POLE2: variants seen among roughly 807,000 people sequenced by gnomAD.
The protein encoded by POLE2 is DNA polymerase epsilon subunit 2.
A neutral mutation model predicts 79.4 loss-of-function variants in POLE2; 56 were observed. That is an observed-to-expected ratio of 0.71 (90% CI 0.57 to 0.88). POLE2 has a LOEUF of 0.88. Ranked by LOEUF, POLE2 falls within the 40% of genes least tolerant of loss-of-function variation. The probability of loss-of-function intolerance (pLI) is 0.00; values close to 1 mark genes in which losing one functional copy is unlikely to be tolerated. For missense variants in POLE2, 598 were observed against 638.9 expected (o/e 0.94, Z 0.69); for synonymous variants, 212 against 214.0 (o/e 0.99, Z 0.08).
intron 8 of POLE2, 121 bp downstream of exon 8, chr14:49,664,986 C>T (rs776682935): frequency 2.1e-5 from 14 of 669,018 alleles, no homozygotes; most frequent in Non-Finnish European, 3.5e-5. Flanking sequence ...TACATTCCTA[C>T]ACCAGCAACA....
intron 10 of POLE2, among the ~76,000 whole-genome samples, chr14:49,660,308 A>T (rs1885010779): frequency 6.6e-6 from 1 of 152,166 alleles, no homozygotes; most frequent in African/African-American, 2.4e-5. Flanking sequence ...ACAGTGACAT[A>T]ATCACCTAAC....
chr14:49,656,440 T>C (rs1160465133), intron 10 of POLE2, among the ~76,000 whole-genome samples: 2 of 151,908 alleles, frequency 1.3e-5, no homozygotes, highest in Non-Finnish European at 2.9e-5. Flanking sequence ...GAGTACACCA[T>C]TTGAACAATA....
intron 1 of POLE2, among the ~76,000 whole-genome samples, chr14:49,687,262 C>CAA (rs531800246): frequency 5.6e-5 from 7 of 124,426 alleles, no homozygotes; most frequent in Admixed American, 8.5e-5. Flanking sequence ...GACCATGACT[C>CAA]AAAAAAAAAA....
At position 49,667,726 on chromosome 14, in the gene POLE2, G is replaced by A. The variant is rs1012148809; in HGVS notation, c.493-1313C>T. On this transcript the variant is annotated intron_variant, in intron 6 of 18. Transcript: ENST00000216367. ...CATCCAGCTACAGATAATAACTGTT[G>A]AATAAAGTTCTACACATTCTAGAAA... Among the ~76,000 whole-genome samples, 2 of 151,842 alleles carry A rather than the reference G, an allele frequency of 1.3e-5. 1 individual carries two copies. The highest frequency in any genetic ancestry group is 4.1e-4 in the South Asian group (2 of 4,824).
chr14:49,687,812 G>C (rs893492697), intron 1 of POLE2, among the ~76,000 whole-genome samples: 4 of 151,938 alleles, frequency 2.6e-5, no homozygotes, highest in African/African-American at 7.3e-5. Context: ...CGATTCTCCT[G>C]CCTCAGCCTC....
intron 10 of POLE2, among the ~76,000 whole-genome samples, chr14:49,661,432 T>C (rs1405975806): frequency 6.6e-6 from 1 of 152,198 alleles, no homozygotes; most frequent in Non-Finnish European, 1.5e-5. Context: ...GTAGACATAA[T>C]TGTATGATGA....
chr14:49,676,532 T>C (rs1044426569), intron 3 of POLE2, among the ~76,000 whole-genome samples: 2 of 152,236 alleles, frequency 1.3e-5, no homozygotes, highest in Non-Finnish European at 2.9e-5. Context: ...CAATTGAAGG[T>C]ACAAAAATCC....
intron 6 of POLE2, among the ~76,000 whole-genome samples, chr14:49,666,698 A>G (rs1473797435): frequency 2.6e-5 from 4 of 152,234 alleles, no homozygotes. Context: ...CTGAATAATG[A>G]TAAGTACATT....
chr14:49,655,158 T>G (rs1884561611), intron 11 of POLE2, 64 bp from the exon 12 acceptor site: 1 of 588,816 alleles, frequency 1.7e-6, no homozygotes, highest in Non-Finnish European at 2.7e-6. Flanking sequence ...AAAAACCCTT[T>G]AACCATGACT....
chr14:49,666,116 C>T (rs978235702), intron 7 of POLE2, among the ~76,000 whole-genome samples: 2 of 152,258 alleles, frequency 1.3e-5, no homozygotes, highest in South Asian at 2.1e-4. Flanking sequence ...CGTGAGCCAC[C>T]GCGCCCAGCC....
chr14:49,674,332 A>G lies in POLE2; in HGVS notation c.323+18T>C. On this transcript the variant is annotated intron_variant, in intron 4 of 18. Transcript: ENST00000216367. ...GTACATTTGAAATTAATTTAAAATC[A>G]GTGGATGACATACTTACGGAAGAAA... The G allele has an allele frequency of 6.5e-7, 1 of 1,542,714 alleles. No homozygotes were observed. Among genetic ancestry groups the G allele is most frequent in the Non-Finnish European group, 9.0e-7 (1 of 1,117,310 alleles).
intron 7 of POLE2, among the ~76,000 whole-genome samples, chr14:49,665,675 G>A (rs1321592601): frequency 6.8e-6 from 1 of 147,418 alleles, no homozygotes; most frequent in African/African-American, 2.5e-5. Context: ...TGTTTTTTCT[G>A]GGTTTTTTTT....
At chr14:49,653,694 A>C (rs1292361674) in intron 15 of POLE2, among the ~76,000 whole-genome samples, 3 of 151,846 alleles carry the variant, frequency 2.0e-5, no homozygotes, top group African/African-American at 7.3e-5. Flanking sequence ...CCCAGGCTGC[A>C]GGCTGGAATG....
chr14:49,648,090 C>G (rs868017885), intron 17 of POLE2, among the ~76,000 whole-genome samples: 1 of 152,150 alleles, frequency 6.6e-6, no homozygotes, highest in African/African-American at 2.4e-5. Flanking sequence ...ATTTGCATTC[C>G]TATGTACCTG....
chr14:49,655,203 C>A, intron 11 of POLE2, 109 bp from the exon 12 acceptor site: 1 of 361,552 alleles, frequency 2.8e-6, no homozygotes, highest in Non-Finnish European at 4.8e-6. Flanking sequence ...ATTAAAATAA[C>A]ATTTTAATAA....
At chr14:49,668,310 G>C (rs986379203) in intron 6 of POLE2, among the ~76,000 whole-genome samples, 6 of 151,374 alleles carry the variant, frequency 4.0e-5, no homozygotes, top group Admixed American at 6.6e-5. Flanking sequence ...GGGGAAGGGG[G>C]AAGGGAAGGC....
chr14:49,684,809 T>G (rs1201950508), intron 1 of POLE2: 1 of 151,512 alleles, frequency 6.6e-6, no homozygotes, highest in Non-Finnish European at 1.5e-5. Context: ...CCATCTCTAC[T>G]AAAAATACAA....
At chr14:49,679,472 T>C in intron 3 of POLE2, 1 of 368,532 alleles carries the variant, frequency 2.7e-6, no homozygotes, top group Non-Finnish European at 4.9e-6. Context: ...GATCAACCGG[T>C]TGGGTAGGCA....
intron 18 of POLE2, 75 bp from the exon 19 acceptor site, chr14:49,643,745 T>A (rs1479865395): frequency 1.8e-5 from 13 of 726,622 alleles, no homozygotes; most frequent in African/African-American, 1.3e-4. Context: ...TTAATTTTTT[T>A]AAATAGGTAT....
Sources: allele counts gnomAD v4.1 joint callset (sites outside exome capture counted in the v4.1 genomes callset), GRCh38; gene constraint gnomAD v4.1.1; transcripts MANE v1.5; gene names NCBI Gene and HGNC (gene_info 2026-07-23, HGNC 2026-07-21).